Variants in SLC16A2 observed in about 807,000 individuals in gnomAD.
The protein encoded by SLC16A2 is solute carrier family 16 member 2.
Under a neutral mutation model 27.2 loss-of-function variants are expected in SLC16A2, and 3 were observed. The observed-to-expected ratio is 0.11, with a 90% CI of 0.05 to 0.28. The LOEUF (loss-of-function observed/expected upper bound fraction) is 0.28, where lower values mean the gene tolerates loss of function less well. SLC16A2 is among the 10% of genes least tolerant of loss of function. The probability of loss-of-function intolerance (pLI) is 1.00; values close to 1 mark genes in which losing one functional copy is unlikely to be tolerated. For missense variants in SLC16A2, 295 were observed against 458.5 expected (o/e 0.64, Z 3.26); for synonymous variants, 202 against 187.8 (o/e 1.08, Z -0.62).
At chrX:74,434,420 G>A (rs1227241374) in intron 1 of SLC16A2, among the ~76,000 whole-genome samples, 2 of 111,748 alleles carry the variant, frequency 1.8e-5, no homozygotes, top group Non-Finnish European at 1.9e-5. Flanking sequence ...TGGATTCTGG[G>A]TCTTTGCCCT....
chrX:74,493,462 G>A (rs1405860183), intron 1 of SLC16A2, among the ~76,000 whole-genome samples: 3 of 112,157 alleles, frequency 2.7e-5, no homozygotes, highest in African/African-American at 9.7e-5. Flanking sequence ...CCCCAACACA[G>A]TCAGCACCCA....
intron 1 of SLC16A2, among the ~76,000 whole-genome samples, chrX:74,499,142 C>A (rs1005802042): frequency 2.1e-4 from 24 of 112,176 alleles, no homozygotes; most frequent in African/African-American, 7.1e-4. Flanking sequence ...CATTGCTACA[C>A]CTGCATAGCC....
intron 1 of SLC16A2, among the ~76,000 whole-genome samples, chrX:74,427,388 A>G (rs1330338596): frequency 9.0e-6 from 1 of 111,431 alleles, no homozygotes; most frequent in Non-Finnish European, 1.9e-5. Flanking sequence ...GATGCCCACA[A>G]TCCCTGGTCA....
intron 1 of SLC16A2, among the ~76,000 whole-genome samples, chrX:74,512,516 G>A (rs967781166): frequency 2.7e-5 from 3 of 111,880 alleles, no homozygotes; most frequent in Non-Finnish European, 1.9e-5. Context: ...ACTTTGCACC[G>A]TCATTCCCTC....
chrX:74,521,475 C>T (rs997254946), intron 2 of SLC16A2, among the ~76,000 whole-genome samples: 3 of 112,260 alleles, frequency 2.7e-5, no homozygotes, highest in Non-Finnish European at 5.6e-5. Flanking sequence ...GCCTCAATTT[C>T]TATATCTGTA....
chrX:74,467,205 C>A (rs955388656), intron 1 of SLC16A2, among the ~76,000 whole-genome samples: 9 of 111,737 alleles, frequency 8.1e-5, no homozygotes, highest in Non-Finnish European at 1.5e-4. Context: ...TGGTAAGGGG[C>A]CTTAGATATA....
At chrX:74,428,166 C>G (rs977701894) in intron 1 of SLC16A2, among the ~76,000 whole-genome samples, 1 of 111,241 alleles carries the variant, frequency 9.0e-6, no homozygotes, top group Admixed American at 9.5e-5. Flanking sequence ...GCAACCCCAG[C>G]TCTCTCTGGC....
intron 1 of SLC16A2, among the ~76,000 whole-genome samples, chrX:74,504,563 C>G (rs530902960): frequency 1.1e-3 from 123 of 112,296 alleles, no homozygotes; most frequent in South Asian, 2.6e-3. Flanking sequence ...ATATTTAAGT[C>G]ATACAAGCCA....
At chrX:74,505,970 G>A (rs1206696073) in intron 1 of SLC16A2, among the ~76,000 whole-genome samples, 1 of 112,182 alleles carries the variant, frequency 8.9e-6, no homozygotes, top group African/African-American at 3.2e-5. Context: ...TGAAAGCTGA[G>A]CTTAGAAAAT....
intron 1 of SLC16A2, among the ~76,000 whole-genome samples, chrX:74,428,615 C>T (rs1928465762): frequency 9.0e-6 from 1 of 111,023 alleles, no homozygotes; most frequent in Admixed American, 9.6e-5. Context: ...CCTACAGAGG[C>T]CTCCCTTCCC....
At chrX:74,511,296 C>T (rs1930228750) in intron 1 of SLC16A2, among the ~76,000 whole-genome samples, 1 of 110,938 alleles carries the variant, frequency 9.0e-6, no homozygotes, top group Non-Finnish European at 1.9e-5. Context: ...ATTCTCCTGC[C>T]TCAGCCTCCT....
At chrX:74,513,188 T>C (rs1385827987) in intron 1 of SLC16A2, among the ~76,000 whole-genome samples, 1 of 112,399 alleles carries the variant, frequency 8.9e-6, no homozygotes, top group African/African-American at 3.2e-5. Context: ...ACTTATGCAC[T>C]GTGGATTGAA....
At chrX:74,470,425 T>C (rs1285160319) in intron 1 of SLC16A2, among the ~76,000 whole-genome samples, 1 of 111,792 alleles carries the variant, frequency 8.9e-6, no homozygotes, top group Non-Finnish European at 1.9e-5. Context: ...GTGTACCATT[T>C]TGCATTCCCA....
rs555211507 is a variant in SLC16A2 at position 74,459,831 on chromosome X, A to G, written c.430+37764A>G. On this transcript the variant is annotated intron_variant, in intron 1 of 5. Coordinates refer to ENST00000587091, the MANE Select transcript of SLC16A2 (RefSeq NM_006517.5). ...ATGTCTGGAGCACATAAGGGTCCAT[A>G]CATTCAGGGTAACTGCAAGGGCTTC... Among the ~76,000 whole-genome samples the G allele has an allele frequency of 3.3e-4, 37 of 111,718 alleles. No individual in the cohort carries two copies. The Admixed American group carries it at 3.5e-3, about 11-fold the overall frequency.
At chrX:74,455,345 G>C (rs1028031725) in intron 1 of SLC16A2, among the ~76,000 whole-genome samples, 1 of 111,346 alleles carries the variant, frequency 9.0e-6, no homozygotes, top group African/African-American at 3.3e-5. Context: ...AGTTTGAAAG[G>C]TTAAGTGACA....
At chrX:74,473,064 T>G in intron 1 of SLC16A2, 1 of 528,025 alleles carries the variant, frequency 1.9e-6, no homozygotes, top group Non-Finnish European at 3.4e-6. Context: ...GGAACCATCA[T>G]AGCCACCTTG....
At chrX:74,449,164 C>T (rs1029843926) in intron 1 of SLC16A2, among the ~76,000 whole-genome samples, 1 of 111,944 alleles carries the variant, frequency 8.9e-6, no homozygotes, top group African/African-American at 3.2e-5. Flanking sequence ...ATGAATGAAG[C>T]ACAGACTGTC....
chrX:74,496,274 A>G (rs1350088453), intron 1 of SLC16A2, among the ~76,000 whole-genome samples: 17 of 38,816 alleles, frequency 4.4e-4, no homozygotes, highest in Non-Finnish European at 1.5e-3. Context: ...ACACACACAC[A>G]CGCACACACA....
intron 1 of SLC16A2, among the ~76,000 whole-genome samples, chrX:74,499,867 G>T (rs1929998765): frequency 9.0e-6 from 1 of 111,547 alleles, no homozygotes; most frequent in Non-Finnish European, 1.9e-5. Context: ...TGGTCTGCAA[G>T]CTGGGAAGAG....
Sources: allele counts gnomAD v4.1 joint callset (sites outside exome capture counted in the v4.1 genomes callset), GRCh38; gene constraint gnomAD v4.1.1; transcripts MANE v1.5; gene names NCBI Gene and HGNC (gene_info 2026-07-23, HGNC 2026-07-21).